Variants in PLA2G2F observed in about 807,000 individuals in gnomAD.
The protein encoded by PLA2G2F is phospholipase A2 group IIF, also known as group IIF secretory phospholipase A2.
PLA2G2F carries 17 observed loss-of-function variants against 15.9 expected under a neutral mutation model. That is an observed-to-expected ratio of 1.07 (90% confidence interval 0.73 to 1.60). The LOEUF (loss-of-function observed/expected upper bound fraction) is 1.60. Among genes scored for constraint, PLA2G2F ranks in the 40% most tolerant of loss-of-function variants. The pLI is 0.00. For missense variants in PLA2G2F, 299 were observed against 278.2 expected (o/e 1.07, Z -0.53); for synonymous variants, 119 against 106.5 (o/e 1.12, Z -0.72).
At chr1:20,142,629 G>A (rs1489186847) in intron 2 of PLA2G2F, 1 of 152,472 alleles carries the variant, frequency 6.6e-6, no homozygotes. Context: ...CGCTGGTGCA[G>A]GAAGTGTCCT....
Position 20,148,506 on chromosome 1 carries a change from T to G in PLA2G2F, c.*105T>G, listed in dbSNP as rs769988195. 78 of 953,040 alleles carry G rather than the reference T, an allele frequency of 8.2e-5. No individual in the cohort carries two copies. The highest frequency in any genetic ancestry group is 1.2e-4 in the Non-Finnish European group (74 of 631,282). 59.0% of individuals were successfully genotyped at this position (953,040 alleles called of 1,614,324 possible). On this transcript the variant is annotated 3_prime_UTR_variant, in exon 5 of 5. Transcript: ENST00000375102. ...GGCCAGGAGCCTGAGGGTTGCTGGT[T>G]GCCTCCTCCCTGGAGCTCTCCAGTG...
In PLA2G2F at chr1:20,144,596, G is replaced by A. The variant is rs759763555; in HGVS notation, c.331G>A (p.Asp111Asn). Residue 111 changes from aspartate (D) to asparagine (N), a missense_variant, in exon 4 of 5, where the codon GAC becomes AAC. Physicochemically the swap from Asp to Asn is conservative, Grantham distance 23 (BLOSUM62 1). Transcript: ENST00000375102. ...DEVDWCCHAH[D>N]CCYQELFDQG... is the part of the protein sequence containing the mutation. ...GCTCCCTAGGTGCTGCCACGCCCAC[G>A]ACTGCTGCTACCAGGAACTCTTTGA... 6.2e-6 allele frequency: 10 copies of A among 1,610,992 alleles called. No individual in the cohort carries two copies. Among genetic ancestry groups the A allele is most frequent in the South Asian group, 2.2e-5 (2 of 90,278 alleles).
In PLA2G2F at chr1:20,144,566, C is replaced by T. The variant is rs1258680269; in HGVS notation, c.315-14C>T. 6.3e-7 allele frequency: 1 copy of T among 1,597,048 alleles called. No individual in the cohort carries two copies. Among genetic ancestry groups the T allele is most frequent in the Admixed American group, 1.7e-5 (1 of 58,364 alleles). On this transcript the variant is annotated splice_polypyrimidine_tract_variant and intron_variant, in intron 3 of 4. Transcript: ENST00000375102. ...CCCAGCCATGCCTGTCCACTCACCT[C>T]TGCCGCTCCCTAGGTGCTGCCACGC...
At chr1:20,146,379 C>T (rs988936314) in intron 4 of PLA2G2F, among the ~76,000 whole-genome samples, 4 of 152,204 alleles carry the variant, frequency 2.6e-5, no homozygotes, top group African/African-American at 7.2e-5. Context: ...CATCCTAGGA[C>T]GCCCAGTGTT....
At chr1:20,147,732 A>G (rs2017640988) in intron 4 of PLA2G2F, among the ~76,000 whole-genome samples, 1 of 152,120 alleles carries the variant, frequency 6.6e-6, no homozygotes, top group Non-Finnish European at 1.5e-5. Flanking sequence ...TTACAGGCGT[A>G]AGCCACTGCG....
chr1:20,149,038 C>A lies in PLA2G2F; in HGVS notation c.*637C>A, dbSNP rs1167197767. 10 of 153,138 alleles carry A rather than the reference C, an allele frequency of 6.5e-5. No individual in the cohort carries two copies. The highest frequency in any genetic ancestry group is 6.5e-4 in the Admixed American group (10 of 15,394). 9.5% of individuals were successfully genotyped at this position (153,138 alleles called of 1,614,324 possible). On this transcript the variant is annotated 3_prime_UTR_variant, in exon 5 of 5. Coordinates refer to ENST00000375102, the MANE Select transcript of PLA2G2F (RefSeq NM_022819.4). ...GTGCTGAGTGTCCCAGCCCTGAAGT[C>A]TAGCCTCAGAGCAGGCTCCTGGGCA...
chr1:20,146,197 AC>A (rs2017601179), intron 4 of PLA2G2F, among the ~76,000 whole-genome samples: 1 of 152,056 alleles, frequency 6.6e-6, no homozygotes, highest in South Asian at 2.1e-4. Context: ...GAGTCAGGGG[AC>A]CTGGGTTTGA....
intron 3 of PLA2G2F, chr1:20,143,901 G>A (rs952309675): frequency 3.3e-5 from 9 of 269,992 alleles, no homozygotes; most frequent in Non-Finnish European, 5.7e-5. Flanking sequence ...CCCCACAAAG[G>A]CAAGGGCTGT....
intron 1 of PLA2G2F, 104 bp from the exon 2 acceptor site, chr1:20,140,062 A>G (rs1226491819): frequency 8.5e-7 from 1 of 1,181,290 alleles, no homozygotes. Flanking sequence ...ATCAAGGGAC[A>G]GCATTGATGA....
intron 2 of PLA2G2F, chr1:20,142,415 A>G (rs887158159): frequency 1.3e-5 from 2 of 152,286 alleles, no homozygotes; most frequent in East Asian, 3.9e-4. Context: ...TGGTGTGTGT[A>G]GGGCAGCTTC....
In PLA2G2F at chr1:20,148,627, G is replaced by T. The variant is rs1035914111; in HGVS notation, c.*226G>T. On this transcript the variant is annotated 3_prime_UTR_variant, in exon 5 of 5. Coordinates refer to ENST00000375102, the MANE Select transcript of PLA2G2F (RefSeq NM_022819.4). ...GCCTCCTGCTGCTGGTTCTGGACTG[G>T]GTGGGAGGCACGGAGCTTATAGGGG... The T allele has an allele frequency of 1.7e-6, 1 of 587,622 alleles. No individual in the cohort carries two copies. Among genetic ancestry groups the T allele is most frequent in the Non-Finnish European group, 3.0e-6 (1 of 329,394 alleles). 36.4% of individuals were successfully genotyped at this position (587,622 alleles called of 1,614,324 possible). A position where few individuals can be genotyped will look rare whatever the true frequency, so the allele number is the denominator to read the frequency against.
intron 2 of PLA2G2F, chr1:20,142,872 A>C (rs2100692825): frequency 6.6e-6 from 1 of 152,242 alleles, no homozygotes; most frequent in East Asian, 1.9e-4. Context: ...CCCAGAATCA[A>C]CCCCCTGAGC....
In PLA2G2F at chr1:20,148,535, G is replaced by A. The variant is rs1023773631; in HGVS notation, c.*134G>A. On this transcript the variant is annotated 3_prime_UTR_variant, in exon 5 of 5. Coordinates refer to ENST00000375102, the MANE Select transcript of PLA2G2F (RefSeq NM_022819.4). ...TCCTCCCTGGAGCTCTCCAGTGAGG[G>A]CTCAGCTCTCAGAGGACTCAGGAAG... 5 of 709,300 alleles carry A rather than the reference G, an allele frequency of 7.0e-6. No homozygotes were observed. Among genetic ancestry groups the A allele is most frequent in the Non-Finnish European group, 1.2e-5 (5 of 428,594 alleles). 43.9% of individuals were successfully genotyped at this position (709,300 alleles called of 1,614,324 possible). A position where few individuals can be genotyped will look rare whatever the true frequency, so the allele number is the denominator to read the frequency against.
chr1:20,147,607 C>T (rs2017639166), intron 4 of PLA2G2F, among the ~76,000 whole-genome samples: 1 of 152,114 alleles, frequency 6.6e-6, no homozygotes. Context: ...CACCACCACG[C>T]CTGGCTAATT....
chr1:20,144,565 T>C lies in PLA2G2F; in HGVS notation c.315-15T>C, dbSNP rs1212766623. The C allele has an allele frequency of 1.3e-5, 21 of 1,596,142 alleles. No individual in the cohort carries two copies. Among genetic ancestry groups the C allele is most frequent in the Non-Finnish European group, 1.8e-5 (21 of 1,169,172 alleles). ...GCCCAGCCATGCCTGTCCACTCACCTCTGCCGCTCCCTAGGTGCTGCCACG... is the reference window on the plus strand; with the variant it reads ...GCCCAGCCATGCCTGTCCACTCACCCCTGCCGCTCCCTAGGTGCTGCCACG... On this transcript the variant is annotated splice_polypyrimidine_tract_variant and intron_variant, in intron 3 of 4. Transcript: ENST00000375102.
At chr1:20,144,156 A>T (rs1357625078) in intron 3 of PLA2G2F, 1 of 206,546 alleles carries the variant, frequency 4.8e-6, no homozygotes, top group Non-Finnish European at 9.7e-6. Context: ...GTCCCTGTTG[A>T]CCCTCCAGAC....
At chr1:20,146,513 A>G (rs899580659) in intron 4 of PLA2G2F, among the ~76,000 whole-genome samples, 6 of 152,234 alleles carry the variant, frequency 3.9e-5, no homozygotes, top group African/African-American at 1.4e-4. Context: ...AGCAGCGCCC[A>G]GGTGTCCCTG....
Position 20,139,454 on chromosome 1 carries a change from C to A in PLA2G2F, c.27C>A (p.Pro9=). 6.4e-7 allele frequency: 1 copy of A among 1,571,430 alleles called. No individual in the cohort carries two copies. The highest frequency in any genetic ancestry group is 2.3e-5 in the East Asian group (1 of 42,588). Residue 9 remains proline (P), a synonymous_variant, in exon 1 of 5, where the codon CCC becomes CCA. Transcript: ENST00000375102. The stretch of plus-strand genomic sequence containing the variant: ...TGGCAGATGGGGCAAAGGCCAACCC[C>A]AAAGGGTTCAAAAAGAAGGTGCTGG... The part of the protein sequence containing the change: MADGAKAN[P]KGFKKKVLDR...
At chr1:20,143,661 C>G in intron 3 of PLA2G2F, 71 bp downstream of exon 3, 1 of 1,559,216 alleles carries the variant, frequency 6.4e-7, no homozygotes, top group Non-Finnish European at 8.7e-7. Context: ...TGACCTTGCC[C>G]TCCATCCCTG....
Sources: allele counts gnomAD v4.1 joint callset (sites outside exome capture counted in the v4.1 genomes callset), GRCh38; gene constraint gnomAD v4.1.1; transcripts MANE v1.5; gene names NCBI Gene and HGNC (gene_info 2026-07-23, HGNC 2026-07-21).